TPO: variants seen among roughly 807,000 people sequenced by gnomAD.
The protein encoded by TPO is thyroid peroxidase.
In TPO, 78 loss-of-function variants were observed where a neutral mutation model predicts 96.9. That is an observed-to-expected ratio of 0.81 (90% CI 0.67 to 0.97). The LOEUF is 0.97. Ranked by LOEUF, TPO falls within the 50% of genes least tolerant of loss-of-function variation. The pLI is 0.00. For missense variants in TPO, 1,252 were observed against 1,274.8 expected, an observed-to-expected ratio of 0.98 and a Z score of 0.27; for synonymous variants, 547 against 538.0, an observed-to-expected ratio of 1.02 and a Z score of -0.23.
intron 8 of TPO, chr2:1,477,986 A>C (rs1670148451): frequency 1.0e-6 from 1 of 985,402 alleles, no homozygotes; most frequent in Non-Finnish European, 1.2e-6. Flanking sequence ...CAGCCAAGCT[A>C]CGTGCTTTAC....
At chr2:1,472,950 T>A (rs999864653) in intron 7 of TPO, among the ~76,000 whole-genome samples, 7 of 152,312 alleles carry the variant, frequency 4.6e-5, no homozygotes, top group South Asian at 2.1e-4. Flanking sequence ...GCAATTTGTA[T>A]TTGTTCAACG....
chr2:1,531,713 C>T (rs1330304144), intron 15 of TPO, among the ~76,000 whole-genome samples: 1 of 75,588 alleles, frequency 1.3e-5, no homozygotes, highest in African/African-American at 4.9e-5. Context: ...TCGCCAAATC[C>T]CCCCCACTCT....
chr2:1,525,610 C>A (rs550106178), intron 15 of TPO, among the ~76,000 whole-genome samples: 9 of 101,006 alleles, frequency 8.9e-5, no homozygotes, highest in East Asian at 3.6e-4. Flanking sequence ...CAAATCCCCC[C>A]ACTGTGTGCA....
intron 2 of TPO, among the ~76,000 whole-genome samples, chr2:1,415,561 T>G (rs1328985683): frequency 8.3e-6 from 1 of 120,080 alleles, no homozygotes; most frequent in Non-Finnish European, 1.7e-5. Context: ...GGTCCCTGGG[T>G]CTCTGGACAC....
intron 5 of TPO, among the ~76,000 whole-genome samples, chr2:1,439,553 C>G (rs1249805373): frequency 6.6e-6 from 1 of 152,036 alleles, no homozygotes; most frequent in Non-Finnish European, 1.5e-5. Context: ...AAAAATAGCC[C>G]AAACAAGCAG....
At chr2:1,496,827 T>C (rs1281057862) in intron 13 of TPO, 62 bp downstream of exon 13, 5 of 1,610,934 alleles carry the variant, frequency 3.1e-6, no homozygotes, top group Non-Finnish European at 3.4e-6. Context: ...AAGTTAACAA[T>C]GCAATGTCAT....
At chr2:1,441,112 T>A (rs369415323) in intron 5 of TPO, among the ~76,000 whole-genome samples, 1 of 146,930 alleles carries the variant, frequency 6.8e-6, no homozygotes, top group African/African-American at 2.5e-5. Flanking sequence ...CAGTTGTAAA[T>A]GAATGGAGCA....
intron 15 of TPO, among the ~76,000 whole-genome samples, chr2:1,528,004 A>G (rs1376524394): frequency 8.7e-6 from 1 of 114,894 alleles, no homozygotes; most frequent in African/African-American, 3.6e-5. Context: ...CCCCAATGTG[A>G]GGAACCTCCT....
At position 1,470,626 on chromosome 2, in the gene TPO, T is replaced by C. The variant is rs951983947; in HGVS notation, c.820-6460T>C. Among the ~76,000 whole-genome samples the C allele has an allele frequency of 2.0e-5, 3 of 152,014 alleles. No individual in the cohort carries two copies. In the South Asian group the frequency reaches 6.2e-4, roughly 31 times the overall value. On this transcript the variant is annotated intron_variant, in intron 7 of 16. Coordinates refer to ENST00000329066, the MANE Select transcript of TPO (RefSeq NM_001206744.2). ...TGTTTTATTCTGACTCTATTTTGTGTAGATAAAATACTGCTTTAGTGAGTA... is the reference window on the plus strand; with the variant it reads ...TGTTTTATTCTGACTCTATTTTGTGCAGATAAAATACTGCTTTAGTGAGTA...
Position 1,477,288 on chromosome 2 carries a change from G to T in TPO, c.1022G>T (p.Arg341Leu). 1 of 1,594,196 alleles carries T rather than the reference G, an allele frequency of 6.3e-7. No individual in the cohort carries two copies. Among genetic ancestry groups the T allele is most frequent in the Non-Finnish European group, 8.5e-7 (1 of 1,171,962 alleles). The stretch of plus-strand genomic sequence containing the variant: ...TCCCCGGCCCTAGAGAGGCAGCTGC[G>T]GAACTGGACCAGTGCCGAAGGGCTG... ...GSSPALERQLRNWTSAEGLLR... is the reference protein window; with the variant it reads ...GSSPALERQLLNWTSAEGLLR... Residue 341 changes from arginine (R) to leucine (L), a missense_variant, in exon 8 of 17, where the codon CGG becomes CTG. Coordinates refer to ENST00000329066, the MANE Select transcript of TPO (RefSeq NM_001206744.2).
chr2:1,388,646 C>G (rs889894875), intron 1 of TPO, among the ~76,000 whole-genome samples: 5 of 152,204 alleles, frequency 3.3e-5, no homozygotes, highest in Non-Finnish European at 7.3e-5. Context: ...TTTCCCTGAC[C>G]TCTTGCACTT....
rs1230474946 is a variant in TPO at position 1,458,311 on chromosome 2, A to C, written c.819+2029A>C. Among the ~76,000 whole-genome samples the C allele has an allele frequency of 6.8e-4, 104 of 151,946 alleles. 2 individuals are homozygous for C. Among genetic ancestry groups the C allele is most frequent in the Non-Finnish European group, 8.8e-5 (6 of 68,004 alleles). On this transcript the variant is annotated intron_variant, in intron 7 of 16. Transcript: ENST00000329066. Reference sequence around the variant, plus strand: ...AGACAGTGTGTGGACACATGTGTATATAGTATATAAGATAATATGCGGACA... The same window carrying C: ...AGACAGTGTGTGGACACATGTGTATCTAGTATATAAGATAATATGCGGACA...
rs1348634145 is a variant in TPO, at chr2:1,414,419, T to C, written c.11T>C (p.Leu4Pro). 3 of 1,613,640 alleles carry C rather than the reference T, an allele frequency of 1.9e-6. No homozygotes were observed. The highest frequency in any genetic ancestry group is 3.3e-5 in the Admixed American group (2 of 59,964). ...TCCGTTAATTTTAGAATGAGAGCGC[T>C]CGCTGTGCTGTCTGTCACGCTGGTT... is the stretch of plus-strand genomic sequence containing the variant. MRA[L>P]AVLSVTLVMA... Residue 4 changes from leucine (L) to proline (P), a missense_variant, in exon 2 of 17, where the codon CTC becomes CCC. Physicochemically the swap from Leu to Pro is moderately conservative, Grantham distance 98 (BLOSUM62 -3). Transcript: ENST00000329066.
chr2:1,389,026 T>G (rs1661951491), intron 1 of TPO, among the ~76,000 whole-genome samples: 1 of 152,206 alleles, frequency 6.6e-6, no homozygotes, highest in Non-Finnish European at 1.5e-5. Context: ...TTTTTTGTGT[T>G]TTATTTTTTT....
intron 15 of TPO, among the ~76,000 whole-genome samples, chr2:1,524,104 CACTCCGTGCAACCTCCCCAAATACCCCCA>C: frequency 7.2e-6 from 1 of 139,584 alleles, no homozygotes; most frequent in Non-Finnish European, 1.5e-5. Flanking sequence ...AAATTCCCCC[CACTCCGTGCAACCTCCCCAAATACCCCCA>C]ACTCTGTGCA....
intron 3 of TPO, among the ~76,000 whole-genome samples, chr2:1,427,359 C>G (rs777807611): frequency 3.7e-4 from 56 of 152,214 alleles, no homozygotes; most frequent in Non-Finnish European, 7.1e-4. Context: ...GGGCCTGCGG[C>G]CCAGGCTGCA....
At chr2:1,512,079 A>G (rs565723710) in intron 14 of TPO, among the ~76,000 whole-genome samples, 52 of 151,570 alleles carry the variant, frequency 3.4e-4, no homozygotes, top group East Asian at 9.8e-4. Flanking sequence ...TGTCGCCTAG[A>G]CTGGAGTGCA....
chr2:1,497,532 G>A (rs1008162526), intron 13 of TPO, among the ~76,000 whole-genome samples: 3 of 152,174 alleles, frequency 2.0e-5, no homozygotes, highest in Non-Finnish European at 4.4e-5. Context: ...AGCAGCTTGC[G>A]TCCTCCAACT....
chr2:1,440,222 T>C (rs1186102184), intron 5 of TPO, among the ~76,000 whole-genome samples: 1 of 152,106 alleles, frequency 6.6e-6, no homozygotes, highest in Non-Finnish European at 1.5e-5. Context: ...CCTTTGGGTG[T>C]TGGCTGCAAT....
Sources: gnomAD v4.1 joint callset for allele counts (sites outside exome capture counted in the v4.1 genomes callset) on GRCh38, gnomAD v4.1.1 for gene constraint, MANE v1.5 for transcripts, NCBI Gene and HGNC (gene_info 2026-07-23, HGNC 2026-07-21) for gene names.